The following ENKUR variants were observed in gnomAD, a reference collection of about 807,000 sequenced individuals.
ENKUR encodes the protein enkurin, TRPC channel interacting protein.
Under a neutral mutation model 27.6 loss-of-function variants are expected in ENKUR, and 19 were observed. The ratio of observed to expected loss-of-function variants is 0.69; its 90% CI spans 0.48 to 1.01. ENKUR has a LOEUF of 1.01. ENKUR is among the 50% of genes least tolerant of loss of function. The pLI, the probability that ENKUR is intolerant of heterozygous loss-of-function variation, is 0.00. For missense variants in ENKUR, 312 were observed against 310.5 expected, an observed-to-expected ratio of 1.00 and a Z score of -0.04; for synonymous variants, 117 against 96.9, an observed-to-expected ratio of 1.21 and a Z score of -1.22.
intron 2 of ENKUR, among the ~76,000 whole-genome samples, chr10:25,057,281 G>C (rs929346439): frequency 6.6e-6 from 1 of 151,886 alleles, no homozygotes; most frequent in African/African-American, 2.4e-5. Context: ...GAAGTAATGA[G>C]ATAGAAGAAA....
intron 1 of ENKUR, among the ~76,000 whole-genome samples, chr10:25,010,809 G>A (rs1330843788): frequency 1.3e-5 from 2 of 149,202 alleles, no homozygotes; most frequent in African/African-American, 2.4e-5. Context: ...ATTCCATGGT[G>A]TATATGTGCC....
At chr10:24,999,159 T>C (rs965115634) in intron 2 of ENKUR, among the ~76,000 whole-genome samples, 1 of 152,236 alleles carries the variant, frequency 6.6e-6, no homozygotes, top group Non-Finnish European at 1.5e-5. Flanking sequence ...AAGATGGTGA[T>C]GCATGTGGGC....
chr10:25,008,632 C>G (rs73608218), intron 1 of ENKUR, among the ~76,000 whole-genome samples: 5,515 of 152,258 alleles, frequency 0.036, 236 homozygotes, highest in African/African-American at 0.1. Context: ...AAAACTAATG[C>G]TGTTCACTGC....
At chr10:25,027,615 G>T (rs951394613) in intron 2 of ENKUR, among the ~76,000 whole-genome samples, 1 of 151,222 alleles carries the variant, frequency 6.6e-6, no homozygotes, top group Non-Finnish European at 1.5e-5. Context: ...CTGGCTGGGC[G>T]CAGTGGCTCA....
At chr10:25,025,971 C>G in intron 2 of ENKUR, 1 of 156,756 alleles carries the variant, frequency 6.4e-6, no homozygotes, top group Non-Finnish European at 1.5e-5. Context: ...CTCCGCCTCC[C>G]AGGTTCAAGT....
At chr10:25,026,293 G>A (rs1054376764) in intron 2 of ENKUR, 2 of 166,652 alleles carry the variant, frequency 1.2e-5, no homozygotes, top group Admixed American at 1.3e-4. Flanking sequence ...GGATGTGTAC[G>A]GTTAGGGTGA....
In ENKUR at chr10:24,984,906, C is replaced by T; in HGVS notation, c.595-1G>A. On this transcript the variant is annotated splice_acceptor_variant, in intron 4 of 5. Transcript: ENST00000331161. LOFTEE classifies it high-confidence loss of function. The stretch of plus-strand genomic sequence containing the variant: ...CCTCTTCCCAGTTCTTTTTCAGCCC[C>T]TGCAAATGGTCAAGAAACTTGTAAA... The T allele has an allele frequency of 6.2e-7, 1 of 1,610,094 alleles. No homozygotes were observed. Among genetic ancestry groups the T allele is most frequent in the Non-Finnish European group, 8.5e-7 (1 of 1,178,732 alleles).
At chr10:25,023,672 T>A in intron 2 of ENKUR, 1 of 1,614,136 alleles carries the variant, frequency 6.2e-7, no homozygotes, top group Non-Finnish European at 8.5e-7. Context: ...AAAAATGGAA[T>A]AATTGTATAC....
intron 2 of ENKUR, among the ~76,000 whole-genome samples, chr10:25,054,894 C>T (rs147975263): frequency 9.9e-5 from 15 of 152,088 alleles, no homozygotes; most frequent in African/African-American, 3.1e-4. Flanking sequence ...AAACAGATCT[C>T]GAACTCCTGA....
At chr10:24,985,817 C>T (rs1849765244) in intron 4 of ENKUR, among the ~76,000 whole-genome samples, 1 of 152,148 alleles carries the variant, frequency 6.6e-6, no homozygotes, top group Non-Finnish European at 1.5e-5. Flanking sequence ...ACAGAAAGTG[C>T]AATTTAAGAT....
rs577238714 is a variant in ENKUR at position 24,986,982 on chromosome 10, A to G, written c.595-2077T>C. 4.2e-4 allele frequency among the ~76,000 whole-genome samples: 64 copies of G among 152,290 alleles called. No homozygotes were observed. The Middle Eastern group carries it at 0.01, about 24-fold the overall frequency. On this transcript the variant is annotated intron_variant, in intron 4 of 5. Coordinates refer to ENST00000331161, the MANE Select transcript of ENKUR (RefSeq NM_145010.4). ...AGTGATCTTATAATAAGAAGTTTTC[A>G]GTTTCATGCTCCTTTTGCACCCTCG...
upstream of ENKUR, among the ~76,000 whole-genome samples, chr10:25,018,279 A>G (rs186791231): frequency 6.6e-6 from 1 of 152,290 alleles, no homozygotes; most frequent in Admixed American, 6.5e-5. Flanking sequence ...AAGCAAAATT[A>G]TTTCTAGTTT....
intron 3 of ENKUR, among the ~76,000 whole-genome samples, chr10:24,994,095 T>C (rs995248797): frequency 2.6e-5 from 4 of 152,182 alleles, no homozygotes; most frequent in African/African-American, 7.2e-5. Flanking sequence ...CAGTGTCCTC[T>C]GAAAACAGCC....
Position 24,990,614 on chromosome 10 carries a change from A to T in ENKUR, c.448-5T>A, listed in dbSNP as rs746470694. On this transcript the variant is annotated splice_region_variant and splice_polypyrimidine_tract_variant and intron_variant, in intron 3 of 5. Transcript: ENST00000331161. ...TTCAGGTGTGACACCATAATCCTAA[A>T]AAGATTTTGCAGAAAAAAGTAATCA... The T allele has an allele frequency of 6.3e-7, 1 of 1,591,526 alleles. No homozygotes were observed. Among genetic ancestry groups the T allele is most frequent in the East Asian group, 2.2e-5 (1 of 44,720 alleles).
chr10:25,057,467 G>A (rs1449309873), intron 2 of ENKUR, among the ~76,000 whole-genome samples: 1 of 151,206 alleles, frequency 6.6e-6, no homozygotes, highest in Non-Finnish European at 1.5e-5. Context: ...GTCTATGAAT[G>A]CTGGGAAGAT....
chr10:25,026,608 TTA>T (rs1457075779), intron 2 of ENKUR: 1 of 164,852 alleles, frequency 6.1e-6, no homozygotes, highest in Non-Finnish European at 1.5e-5. Context: ...TAACCATGAT[TTA>T]TGTTTGTGAA....
In ENKUR at chr10:25,016,051, C is replaced by T; in HGVS notation, c.-115G>A. On this transcript the variant is annotated 5_prime_UTR_variant, in exon 1 of 6. Transcript: ENST00000331161. Reference sequence around the variant, plus strand: ...TCTTTCTTCTTCGCCTTCTGAAGGACCACAGGTTCTCTCCTTCACATCGTC... The same window carrying T: ...TCTTTCTTCTTCGCCTTCTGAAGGATCACAGGTTCTCTCCTTCACATCGTC... The T allele has an allele frequency of 1.4e-6, 2 of 1,453,676 alleles. No homozygotes were observed. The highest frequency in any genetic ancestry group is 1.8e-6 in the Non-Finnish European group (2 of 1,098,290). The allele number at this position is 1,453,676 out of a possible 1,614,324, so 90.0% of individuals were successfully genotyped here.
At chr10:25,046,651 A>G (rs1024079995) in intron 2 of ENKUR, among the ~76,000 whole-genome samples, 2 of 152,218 alleles carry the variant, frequency 1.3e-5, no homozygotes, top group African/African-American at 4.8e-5. Context: ...ATGACAGGAG[A>G]TAGTGCATAT....
intron 1 of ENKUR, among the ~76,000 whole-genome samples, chr10:25,006,018 ATAAAG>A (rs927374704): frequency 3.3e-5 from 5 of 152,258 alleles, no homozygotes; most frequent in Admixed American, 2.0e-4. Context: ...AATAAACTAC[ATAAAG>A]TAAATTTTTC....
Sources: gnomAD v4.1 joint callset for allele counts (sites outside exome capture counted in the v4.1 genomes callset) on GRCh38, gnomAD v4.1.1 for gene constraint, MANE v1.5 for transcripts, NCBI Gene and HGNC (gene_info 2026-07-23, HGNC 2026-07-21) for gene names.